Variants in COPA observed in about 807,000 individuals in gnomAD.
The protein encoded by COPA is coatomer subunit alpha.
Under a neutral mutation model 158.7 loss-of-function variants are expected in COPA, and 10 were observed. That is an observed-to-expected ratio of 0.06 (90% confidence interval 0.04 to 0.11). The LOEUF (loss-of-function observed/expected upper bound fraction) is 0.11. Among genes scored for constraint, COPA ranks in the 10% least tolerant of loss-of-function variants. The pLI is 1.00. For synonymous variants in COPA, 462 were observed against 542.8 expected (o/e 0.85, Z 2.07); for missense variants, 1,065 against 1,536.7 (o/e 0.69, Z 5.13).
chr1:160,305,586 G>A lies in COPA; in HGVS notation c.1529-15C>T. ...GATCACAATGGCTGTAAGAGGCAAA[G>A]GGCATGAGTGTTCTGTTGGATAGGG... is the stretch of plus-strand genomic sequence containing the variant. On this transcript the variant is annotated splice_polypyrimidine_tract_variant and intron_variant, in intron 16 of 32. Transcript: ENST00000241704. The A allele has an allele frequency of 6.2e-7, 1 of 1,614,202 alleles. No homozygotes were observed. The highest frequency in any genetic ancestry group is 8.5e-7 in the Non-Finnish European group (1 of 1,180,040).
At position 160,296,228 on chromosome 1, in the gene COPA, C is replaced by T. The variant is rs993887916; in HGVS notation, c.2264-79G>A. Reference sequence around the variant, plus strand: ...GTGGTAAGCAACCTCTGAAATGGCCCCCCAGTAATCCCTGACTCCTGGTAT... The same window carrying T: ...GTGGTAAGCAACCTCTGAAATGGCCTCCCAGTAATCCCTGACTCCTGGTAT... On this transcript the variant is annotated intron_variant, in intron 21 of 32. Coordinates refer to ENST00000241704, the MANE Select transcript of COPA (RefSeq NM_004371.4). The T allele has an allele frequency of 1.1e-5, 13 of 1,157,124 alleles. No homozygotes were observed. The East Asian group carries it at 2.8e-4, about 25-fold the overall frequency. The allele number at this position is 1,157,124 out of a possible 1,614,324, so 71.7% of individuals were successfully genotyped here.
chr1:160,297,887 CA>C, intron 19 of COPA, 142 bp from the exon 20 acceptor site: 1 of 973,464 alleles, frequency 1.0e-6, no homozygotes, highest in Non-Finnish European at 1.5e-6. Flanking sequence ...AGTCTAATTC[CA>C]TTGAAAATCG....
At chr1:160,310,913 G>A (rs1304264204) in intron 11 of COPA, among the ~76,000 whole-genome samples, 1 of 152,266 alleles carries the variant, frequency 6.6e-6, no homozygotes, top group South Asian at 2.1e-4. Context: ...GAAAAGTTCT[G>A]TTACCAGTTT....
intron 13 of COPA, among the ~76,000 whole-genome samples, chr1:160,308,345 G>T (rs528447818): frequency 6.6e-6 from 1 of 152,258 alleles, no homozygotes; most frequent in South Asian, 2.1e-4. Flanking sequence ...AGATCGATTA[G>T]CAACAATAAT....
intron 3 of COPA, among the ~76,000 whole-genome samples, chr1:160,338,823 T>G (rs147966854): frequency 1.3e-5 from 2 of 152,274 alleles, no homozygotes; most frequent in African/African-American, 4.8e-5. Context: ...TTCCTCTCTC[T>G]CCCTTAAATG....
At chr1:160,297,487 T>C (rs1478595078) in intron 20 of COPA, 49 bp from the exon 21 acceptor site, 2 of 1,613,100 alleles carry the variant, frequency 1.2e-6, no homozygotes, top group African/African-American at 2.7e-5. Flanking sequence ...TTAAGTTCTC[T>C]TTCTCCTTAA....
chr1:160,323,497 G>T lies in COPA; in HGVS notation c.640C>A (p.His214Asn), dbSNP rs1206893280. Reference sequence around the variant, plus strand: ...GATACAATAAGGGGCATAGTGGGGTGGAAGGCAGCCCAGTTTACTCCACGA... The same window carrying T: ...GATACAATAAGGGGCATAGTGGGGTTGAAGGCAGCCCAGTTTACTCCACGA... ...HDRGVNWAAF[H>N]PTMPLIVSGA... The change falls in exon 8 of 33, where the codon CAC (histidine) becomes AAC (asparagine). Residue 214 changes from histidine to asparagine, a missense_variant. Physicochemically the swap from His to Asn is moderately conservative, Grantham distance 68. Transcript: ENST00000241704. The T allele has an allele frequency of 1.9e-6, 3 of 1,610,848 alleles. No homozygotes were observed. The highest frequency in any genetic ancestry group is 2.5e-6 in the Non-Finnish European group (3 of 1,178,098).
At chr1:160,326,663 T>C (rs1249892410) in intron 6 of COPA, among the ~76,000 whole-genome samples, 1 of 152,192 alleles carries the variant, frequency 6.6e-6, no homozygotes, top group Non-Finnish European at 1.5e-5. Flanking sequence ...TGGTAGAAGA[T>C]AACGTAAAAC....
rs539596065 is a variant in COPA at position 160,298,949 on chromosome 1, T to C, written c.1873A>G (p.Ile625Val). 2.7e-5 allele frequency: 43 copies of C among 1,613,940 alleles called. No individual in the cohort carries two copies. The highest frequency in any genetic ancestry group is 1.6e-4 in the South Asian group (15 of 91,078). The change falls in exon 19 of 33, where the codon ATT becomes GTT. Residue 625 changes from isoleucine (I) to valine (V), a missense_variant. By Grantham distance (29) the Ile-to-Val change is conservative. Around this residue, in one of 2 missense-constraint regions of COPA, gnomAD observed 980 missense variants for 1,357.8 expected, o/e 0.72. Coordinates refer to ENST00000241704, the MANE Select transcript of COPA (RefSeq NM_004371.4). ...VRNAKLVGQS[I>V]IAYLQKKGYP... ...CCCTTCTTCTGGAGATAAGCAATAA[T>C]AGACTGGCCAACTAGTTTGGCATTC...
chr1:160,297,969 A>G (rs1340316895), intron 19 of COPA, among the ~76,000 whole-genome samples: 1 of 152,054 alleles, frequency 6.6e-6, no homozygotes, highest in Non-Finnish European at 1.5e-5. Context: ...CCCGAGGTCA[A>G]GAGCTCGAGA....
chr1:160,328,024 C>T (rs1265033826), intron 6 of COPA, among the ~76,000 whole-genome samples: 2 of 152,302 alleles, frequency 1.3e-5, no homozygotes, highest in Non-Finnish European at 1.5e-5. Context: ...GAAGCAAGAG[C>T]TTAGAAGGCC....
rs113926120 is a variant in COPA, at chr1:160,338,418, T to C, written c.228+1491A>G. 6.0e-3 allele frequency among the ~76,000 whole-genome samples: 909 copies of C among 152,352 alleles called. 13 individuals carry two copies. Among genetic ancestry groups the C allele is most frequent in the African/African-American group, 0.021 (863 of 41,578 alleles). ...CCTAAGTTCTGCGGTATAATCACAA[T>C]ATATAACTTCTTGAAGTTGCTTATG... On this transcript the variant is annotated intron_variant, in intron 3 of 32. Transcript: ENST00000241704.
At chr1:160,312,100 G>T in intron 10 of COPA, 82 bp from the exon 11 acceptor site, 1 of 1,421,436 alleles carries the variant, frequency 7.0e-7, no homozygotes, top group South Asian at 1.3e-5. Flanking sequence ...TAAGGATGAA[G>T]ATTATATCTG....
rs1199643985 is a variant in COPA at position 160,310,265 on chromosome 1, A to C, written c.1077-7T>G. 2 of 1,569,046 alleles carry C rather than the reference A, an allele frequency of 1.3e-6. No homozygotes were observed. Among genetic ancestry groups the C allele is most frequent in the Admixed American group, 1.9e-5 (1 of 53,384 alleles). On this transcript the variant is annotated splice_region_variant and splice_polypyrimidine_tract_variant and intron_variant, in intron 11 of 32. Coordinates refer to ENST00000241704, the MANE Select transcript of COPA (RefSeq NM_004371.4). ...TACTGGAAACTTGGAACCACTAGAG[A>C]TATATATAGAAAAAGGAGAAAACAG...
At chr1:160,342,511 G>A (rs1310532632) in intron 1 of COPA, among the ~76,000 whole-genome samples, 2 of 152,128 alleles carry the variant, frequency 1.3e-5, no homozygotes, top group Non-Finnish European at 2.9e-5. Flanking sequence ...AGCAACGACA[G>A]ACTAAAAAAC....
At chr1:160,290,819 G>C in intron 31 of COPA, 133 bp from the exon 32 acceptor site, 1 of 777,778 alleles carries the variant, frequency 1.3e-6, no homozygotes, top group African/African-American at 1.7e-5. Flanking sequence ...CCCAACCTCT[G>C]TACTGGATGT....
At chr1:160,311,114 G>A (rs1184039802) in intron 11 of COPA, among the ~76,000 whole-genome samples, 1 of 152,082 alleles carries the variant, frequency 6.6e-6, no homozygotes, top group Non-Finnish European at 1.5e-5. Context: ...GATTCCATCT[G>A]TGACAGAATA....
At chr1:160,324,408 T>C (rs1659427856) in intron 7 of COPA, among the ~76,000 whole-genome samples, 1 of 149,224 alleles carries the variant, frequency 6.7e-6, no homozygotes, top group Admixed American at 6.7e-5. Flanking sequence ...GTGATTCTCC[T>C]ACCTCGGCCT....
chr1:160,314,962 A>C lies in COPA; in HGVS notation c.707-837T>G, dbSNP rs376813591. Among the ~76,000 whole-genome samples the C allele has an allele frequency of 9.8e-5, 15 of 152,324 alleles. No homozygotes were observed. The East Asian group carries it at 2.7e-3, about 27-fold the overall frequency. On this transcript the variant is annotated intron_variant, in intron 8 of 32. Coordinates refer to ENST00000241704, the MANE Select transcript of COPA (RefSeq NM_004371.4). ...ACAGGAAAAAAGGGAAAGAAGGAAT[A>C]CTTTCAGTTTCAAAACAGTGGTATA...
Sources: allele counts gnomAD v4.1 joint callset (sites outside exome capture counted in the v4.1 genomes callset), GRCh38; gene constraint gnomAD v4.1.1; regional missense constraint gnomAD v4.1.1; transcripts MANE v1.5; gene names NCBI Gene and HGNC (gene_info 2026-07-23, HGNC 2026-07-21).